RNF213: variants seen among roughly 807,000 people sequenced by gnomAD.
The protein encoded by RNF213 is E3 ubiquitin-protein ligase RNF213.
RNF213 carries 341 observed loss-of-function variants against 514.4 expected under a neutral mutation model. The ratio of observed to expected loss-of-function variants is 0.66; its 90% confidence interval spans 0.61 to 0.73. The LOEUF (loss-of-function observed/expected upper bound fraction) is 0.73. Among genes scored for constraint, RNF213 ranks in the 30% least tolerant of loss-of-function variants. The pLI is 0.00. For synonymous variants in RNF213, 2,655 were observed against 2,658.2 expected, an observed-to-expected ratio of 1.00 and a Z score of 0.04; for missense variants, 5,767 against 6,615.6, an observed-to-expected ratio of 0.87 and a Z score of 4.45.
At chr17:80,322,554 C>T (rs912645526) in intron 17 of RNF213, among the ~76,000 whole-genome samples, 30 of 151,572 alleles carry the variant, frequency 2.0e-4, no homozygotes, top group Admixed American at 3.3e-4. Flanking sequence ...CCGGCCTGGG[C>T]GACAGAGCGA....
intron 6 of RNF213, 149 bp from the exon 7 acceptor site, chr17:80,290,421 G>A: frequency 1.1e-6 from 1 of 907,908 alleles, no homozygotes; most frequent in South Asian, 1.4e-5. Flanking sequence ...GTGCGTGTGT[G>A]CGAGTGTGCG....
rs770499998 is a variant in RNF213 at position 80,295,721 on chromosome 17, C to G, written c.1920C>G (p.Ser640Arg). The stretch of plus-strand genomic sequence containing the variant: ...AAATTGAGCTTTTATTAGAAGGCAG[C>G]CTGGACTGGTTGTGTCACCTCCTAA... ...VEKIELLLEG[S>R]LDWLCHLLTS... is the part of the protein sequence containing the mutation. The change falls in exon 10 of 68, where the codon AGC becomes AGG. Residue 640 changes from serine (S) to arginine (R), a missense_variant. Physicochemically the swap from Ser to Arg is moderately radical, Grantham distance 110. This residue lies in a region of RNF213 where 592 missense variants were observed against 673.9 expected (regional missense o/e 0.88). Coordinates refer to ENST00000582970, the MANE Select transcript of RNF213 (RefSeq NM_001256071.3). The G allele has an allele frequency of 1.2e-6, 2 of 1,614,178 alleles. No individual in the cohort carries two copies. Among genetic ancestry groups the G allele is most frequent in the South Asian group, 1.1e-5 (1 of 91,084 alleles).
intron 24 of RNF213, 49 bp downstream of exon 24, chr17:80,337,775 CT>C: frequency 6.5e-7 from 1 of 1,536,968 alleles, no homozygotes; most frequent in African/African-American, 1.4e-5. Flanking sequence ...CTGCAGGCTG[CT>C]GCCAGTCCAG....
At chr17:80,384,313 T>C (rs967359714) in intron 59 of RNF213, among the ~76,000 whole-genome samples, 6 of 152,194 alleles carry the variant, frequency 3.9e-5, no homozygotes, top group African/African-American at 1.4e-4. Context: ...TCCCTGTGCC[T>C]AAGCATCGAG....
rs1321907788 is a variant in RNF213 at position 80,395,760 on chromosome 17, CAG to C, written c.*2263_*2264del. The C allele has an allele frequency of 6.6e-6, 1 of 152,228 alleles. No homozygotes were observed. Among genetic ancestry groups the C allele is most frequent in the Admixed American group, 6.5e-5 (1 of 15,286 alleles). The allele number at this position is 152,228 out of a possible 1,614,324, so 9.4% of individuals were successfully genotyped here. ...CGTTGGAGTGCTAAAAATGCCCCTT[CAG>C]GGGGAAAACTGCATTTTCTCTTCCA... On this transcript the variant is annotated 3_prime_UTR_variant, in exon 68 of 68. Coordinates refer to ENST00000582970, the MANE Select transcript of RNF213 (RefSeq NM_001256071.3).
chr17:80,361,505 C>G lies in RNF213; in HGVS notation c.11201-229C>G, dbSNP rs142745586. Among the ~76,000 whole-genome samples, 4 of 152,274 alleles carry G rather than the reference C, an allele frequency of 2.6e-5. No individual in the cohort carries two copies. In the South Asian group the frequency reaches 6.2e-4, roughly 24 times the overall value. ...ACCCACCGCACTCCAGCCTGGGCAACAGAGTAAGACTCCATCTCCAAAAAA... is the reference window on the plus strand; with the variant it reads ...ACCCACCGCACTCCAGCCTGGGCAAGAGAGTAAGACTCCATCTCCAAAAAA... On this transcript the variant is annotated intron_variant, in intron 38 of 67. Transcript: ENST00000582970.
Position 80,343,208 on chromosome 17 carries a change from A to G in RNF213, c.6066A>G (p.Thr2022=), listed in dbSNP as rs747110950. 1.2e-5 allele frequency: 19 copies of G among 1,613,946 alleles called. No homozygotes were observed. In the Admixed American group the frequency reaches 2.8e-4, roughly 24 times the overall value. The part of the protein sequence containing the change: ...QLNVKNVPLK[T]IRLIDPQVDE... ...ACGTGAAAAATGTGCCTCTGAAAAC[A>G]ATTCGACTGATCGACCCTCAGGTGG... The change falls in exon 27 of 68, where the codon ACA becomes ACG. Residue 2022 remains threonine, a synonymous_variant. Coordinates refer to ENST00000582970, the MANE Select transcript of RNF213 (RefSeq NM_001256071.3). This position sits in a 1 kb window ranked among gnomAD's most constrained non-coding sequence, Gnocchi z 4.3.
rs764658196 is a variant in RNF213, at chr17:80,289,805, C to A, written c.1080C>A (p.Asn360Lys). ...AAVKNEKEQK[N>K]QEADVQEVKA... ...TGAAAAACGAGAAGGAGCAAAAAAA[C>A]CAGGAAGCAGATGTCCAGGAAGTGA... Residue 360 changes from asparagine to lysine, a missense_variant, in exon 6 of 68, where the codon AAC becomes AAA. Asn to Lys is a moderately conservative substitution (Grantham distance 94). Coordinates refer to ENST00000582970, the MANE Select transcript of RNF213 (RefSeq NM_001256071.3). 2.0e-5 allele frequency: 32 copies of A among 1,612,422 alleles called. No homozygotes were observed. Among genetic ancestry groups the A allele is most frequent in the Non-Finnish European group, 2.5e-5 (30 of 1,179,518 alleles).
chr17:80,367,832 A>G lies in RNF213; in HGVS notation c.11956A>G (p.Ser3986Gly). The change falls in exon 43 of 68, where the codon AGC becomes GGC. Residue 3986 changes from serine to glycine, a missense_variant. This residue lies in a region of RNF213 where 355 missense variants were observed against 358.0 expected (regional missense o/e 0.99). Coordinates refer to ENST00000582970, the MANE Select transcript of RNF213 (RefSeq NM_001256071.3). ...TCTCTGTGAATGCAAGGAGACAGCC[A>G]GCAAGACCCTCAGCAGGTGAGACCT... The part of the protein sequence containing the change: ...RTLCECKETA[S>G]KTLSRFGIQP... 6.2e-7 allele frequency: 1 copy of G among 1,614,274 alleles called. No individual in the cohort carries two copies.
Position 80,360,724 on chromosome 17 carries a change from CAGA to C in RNF213, c.11200+522_11200+524del, listed in dbSNP as rs763287896. On this transcript the variant is annotated intron_variant, in intron 38 of 67. Transcript: ENST00000582970. ...AGTGCTGAGCTCTGCTGCCAGATGC[CAGA>C]AGATTTGCCCTAGTCCAGAAAAACC... is the stretch of plus-strand genomic sequence containing the variant. Among the ~76,000 whole-genome samples the C allele has an allele frequency of 4.3e-4, 65 of 152,342 alleles. 2 individuals carry two copies. The highest frequency in any genetic ancestry group is 1.7e-3 in the South Asian group (8 of 4,832).
chr17:80,330,519 G>T (rs369547876), intron 20 of RNF213, among the ~76,000 whole-genome samples: 3 of 152,180 alleles, frequency 2.0e-5, no homozygotes, highest in African/African-American at 4.8e-5. Context: ...CATCCCGTGC[G>T]TGGTCCTCCC....
At position 80,376,310 on chromosome 17, in the gene RNF213, G is replaced by A. The variant is rs148731719; in HGVS notation, c.13195G>A (p.Ala4399Thr). The A allele has an allele frequency of 0.011, 17,341 of 1,614,132 alleles. 175 individuals are homozygous for A. Among genetic ancestry groups the A allele is most frequent in the East Asian group, 0.056 (2,527 of 44,892 alleles). Residue 4399 changes from alanine to threonine, a missense_variant, in exon 52 of 68, where the codon GCT becomes ACT. Ala to Thr is a moderately conservative substitution (Grantham distance 58, BLOSUM62 0). This residue lies in a region of RNF213 where 1,245 missense variants were observed against 1,339.0 expected (regional missense o/e 0.93). Transcript: ENST00000582970. The stretch of plus-strand genomic sequence containing the variant: ...GTTTTTTTCCTGTCAGCAATGTGAA[G>A]CTGTGAGCAAATTCATTGGCGAATG... ...SLHPTPEQCE[A>T]VSKFIGECKI...
At chr17:80,321,032 C>T (rs755460716) in intron 17 of RNF213, 3 of 152,104 alleles carry the variant, frequency 2.0e-5, no homozygotes, top group East Asian at 3.9e-4. Flanking sequence ...AGCTTGTGTC[C>T]GTTTACGTTA....
chr17:80,283,576 C>T (rs1288746909), intron 3 of RNF213, among the ~76,000 whole-genome samples: 1 of 152,262 alleles, frequency 6.6e-6, no homozygotes, highest in Non-Finnish European at 1.5e-5. Flanking sequence ...TGTGCTGCTG[C>T]TGCTGTTTCT....
rs766907090 is a variant in RNF213, at chr17:80,353,507, T to A, written c.10424-5T>A. 84 of 1,607,288 alleles carry A rather than the reference T, an allele frequency of 5.2e-5. No homozygotes were observed. The highest frequency in any genetic ancestry group is 6.7e-5 in the Non-Finnish European group (79 of 1,176,824). On this transcript the variant is annotated splice_polypyrimidine_tract_variant and splice_region_variant and intron_variant, in intron 33 of 67. Coordinates refer to ENST00000582970, the MANE Select transcript of RNF213 (RefSeq NM_001256071.3). This position sits in a 1 kb window ranked among gnomAD's most constrained non-coding sequence, Gnocchi z 5.0. ...GTAACGCAATCACGTTTGCTTCGACTGCAGTGGGCTTGGAACACCGGGCGG... is the reference window on the plus strand; with the variant it reads ...GTAACGCAATCACGTTTGCTTCGACAGCAGTGGGCTTGGAACACCGGGCGG...
chr17:80,338,279 GAGA>G (rs1489825150), intron 25 of RNF213, among the ~76,000 whole-genome samples: 2 of 152,192 alleles, frequency 1.3e-5, no homozygotes, highest in South Asian at 2.1e-4. Context: ...CCACCGCACT[GAGA>G]AGGAGGTTGG....
chr17:80,295,677 G>A lies in RNF213; in HGVS notation c.1876G>A (p.Val626Ile), dbSNP rs763037354. The A allele has an allele frequency of 6.2e-7, 1 of 1,614,182 alleles. No homozygotes were observed. The highest frequency in any genetic ancestry group is 1.7e-5 in the Admixed American group (1 of 60,018). Residue 626 changes from valine to isoleucine, a missense_variant, in exon 10 of 68, where the codon GTC (valine) becomes ATC (isoleucine). Transcript: ENST00000582970. ...VRSKLKTGLI[V>I]LFVVEKIELL... The stretch of plus-strand genomic sequence containing the variant: ...GAGTAAACTGAAAACAGGCCTGATT[G>A]TCCTTTTTGTAGTGGAAAAAATTGA...
chr17:80,315,622 GTGGAGGTGATGGTGGTGGTGGTAA>G (rs1568059207), intron 15 of RNF213: 2 of 75,022 alleles, frequency 2.7e-5, no homozygotes, highest in African/African-American at 1.2e-4. Flanking sequence ...ATGGTGGTCC[GTGGAGGTGATGGTGGTGGTGGTAA>G]TGGAGGTGAT....
intron 39 of RNF213, among the ~76,000 whole-genome samples, 194 bp from the exon 40 acceptor site, chr17:80,362,908 G>A (rs2079107849): frequency 6.6e-6 from 1 of 152,210 alleles, no homozygotes; most frequent in Non-Finnish European, 1.5e-5. Flanking sequence ...GTGGCAAAAA[G>A]CCCAGACGAC....
Sources: gnomAD v4.1 joint callset for allele counts (sites outside exome capture counted in the v4.1 genomes callset) on GRCh38, gnomAD v4.1.1 for gene constraint, gnomAD v4.1.1 regional missense constraint, Gnocchi (gnomAD v3.1) non-coding constraint, MANE v1.5 for transcripts, NCBI Gene and HGNC (gene_info 2026-07-23, HGNC 2026-07-21) for gene names.